The following TRHDE variants were observed in gnomAD, a reference collection of about 807,000 sequenced individuals.
The protein encoded by TRHDE is thyrotropin releasing hormone degrading enzyme.
Under a neutral mutation model 125.7 loss-of-function variants are expected in TRHDE, and 72 were observed. That is an observed-to-expected ratio of 0.57 (90% confidence interval 0.47 to 0.70). TRHDE has a LOEUF of 0.70. Among genes scored for constraint, TRHDE ranks in the 30% least tolerant of loss-of-function variants. The pLI is 0.00. For missense variants in TRHDE, 1,110 were observed against 1,327.1 expected, an observed-to-expected ratio of 0.84 and a Z score of 2.54; for synonymous variants, 509 against 509.1, an observed-to-expected ratio of 1.00 and a Z score of 0.00.
Position 72,109,806 on chromosome 12 carries a change from G to A in TRHDE, n.279+4054G>A, listed in dbSNP as rs532693057. ...GAATGGGATTGGCATGACTGGTTTA[G>A]ATAAATTGTTACTCATTGCCTGTGG... On this transcript the variant is annotated intron_variant and non_coding_transcript_variant, in intron 2 of 4. Coordinates refer to the TRHDE transcript ENST00000548156. 5.3e-5 allele frequency among the ~76,000 whole-genome samples: 8 copies of A among 152,190 alleles called. No individual in the cohort carries two copies. The South Asian group carries it at 1.7e-3, about 32-fold the overall frequency.
At chr12:72,573,841 CT>C (rs1870862057) in intron 10 of TRHDE, among the ~76,000 whole-genome samples, 1 of 151,946 alleles carries the variant, frequency 6.6e-6, no homozygotes, top group Non-Finnish European at 1.5e-5. Flanking sequence ...AGATGAACCA[CT>C]TCCTTTCTTG....
intron 2 of TRHDE, among the ~76,000 whole-genome samples, chr12:72,247,558 A>C (rs1199026508): frequency 6.6e-6 from 1 of 152,208 alleles, no homozygotes; most frequent in Admixed American, 6.5e-5. Context: ...TTATTTTATA[A>C]AAATTCCCTA....
In TRHDE at chr12:72,575,189, G is replaced by T. The variant is rs557466775; in HGVS notation, c.2132-66G>T. Reference sequence around the variant, plus strand: ...TTGGTATTGTTATATCTGGCGTTAAGAAAACATACTTCATTTCATTTTAAC... The same window carrying T: ...TTGGTATTGTTATATCTGGCGTTAATAAAACATACTTCATTTCATTTTAAC... On this transcript the variant is annotated intron_variant, in intron 10 of 18. Coordinates refer to ENST00000261180, the MANE Select transcript of TRHDE (RefSeq NM_013381.3). 90 of 1,525,646 alleles carry T rather than the reference G, an allele frequency of 5.9e-5. No homozygotes were observed. In the African/African-American group the frequency reaches 1.2e-3, roughly 20 times the overall value. The allele number at this position is 1,525,646 out of a possible 1,614,324, so 94.5% of individuals were successfully genotyped here.
intron 2 of TRHDE, among the ~76,000 whole-genome samples, chr12:72,195,175 C>A (rs1297049913): frequency 6.6e-6 from 1 of 152,084 alleles, no homozygotes; most frequent in Non-Finnish European, 1.5e-5. Flanking sequence ...TAACCACTCC[C>A]ACGATTCAAT....
At chr12:72,375,615 A>G (rs879609409) in intron 2 of TRHDE, among the ~76,000 whole-genome samples, 1 of 152,174 alleles carries the variant, frequency 6.6e-6, no homozygotes. Context: ...TCTACTAGAT[A>G]CTTTATGTAG....
In TRHDE at chr12:72,641,715, A is replaced by C. The variant is rs1874069575; in HGVS notation, c.2676-10607A>C. On this transcript the variant is annotated intron_variant, in intron 15 of 18. Transcript: ENST00000261180. The stretch of plus-strand genomic sequence containing the variant: ...CAAAGCAATGAAAACATTCACAGCA[A>C]AATCTTTGGAGACTGTCTTATTTAT... 2.0e-5 allele frequency among the ~76,000 whole-genome samples: 3 copies of C among 152,218 alleles called. No individual in the cohort carries two copies. The South Asian group carries it at 6.2e-4, about 31-fold the overall frequency.
chr12:72,189,828 A>G (rs374638409), intron 2 of TRHDE, among the ~76,000 whole-genome samples: 4 of 152,138 alleles, frequency 2.6e-5, no homozygotes, highest in East Asian at 1.9e-4. Context: ...GCAGCTGGTC[A>G]AAGCTTCAGT....
intron 12 of TRHDE, among the ~76,000 whole-genome samples, chr12:72,614,784 C>T (rs1319938989): frequency 4.6e-5 from 7 of 152,044 alleles, no homozygotes; most frequent in African/African-American, 7.2e-5. Flanking sequence ...ATACACGCTA[C>T]CCATCTCAGT....
At chr12:72,506,264 T>C (rs1447878491) in intron 6 of TRHDE, among the ~76,000 whole-genome samples, 1 of 152,126 alleles carries the variant, frequency 6.6e-6, no homozygotes. Context: ...TGAGCTATAA[T>C]AGATCTCCTG....
intron 3 of TRHDE, among the ~76,000 whole-genome samples, chr12:72,446,717 G>C (rs533557378): frequency 6.6e-6 from 1 of 152,170 alleles, no homozygotes; most frequent in South Asian, 2.1e-4. Context: ...TGCAATCCTA[G>C]TCTCTGATAA....
At chr12:72,252,004 C>T (rs551389950) in intron 2 of TRHDE, among the ~76,000 whole-genome samples, 1 of 152,134 alleles carries the variant, frequency 6.6e-6, no homozygotes, top group South Asian at 2.1e-4. Flanking sequence ...GTTTTTACAA[C>T]TGAGTATTGA....
intron 2 of TRHDE, among the ~76,000 whole-genome samples, chr12:72,305,588 G>T (rs115483284): frequency 0.017 from 2,587 of 152,262 alleles, 71 homozygotes; most frequent in African/African-American, 0.059. Flanking sequence ...CTATGAGAGC[G>T]GTTGTATTAG....
At chr12:72,415,908 G>T (rs1256477923) in intron 3 of TRHDE, among the ~76,000 whole-genome samples, 1 of 152,010 alleles carries the variant, frequency 6.6e-6, no homozygotes, top group Non-Finnish European at 1.5e-5. Context: ...CCAACAGTGG[G>T]ATTGCTAGAT....
chr12:72,158,347 A>C (rs1458188271), intron 2 of TRHDE, among the ~76,000 whole-genome samples: 1 of 151,438 alleles, frequency 6.6e-6, no homozygotes, highest in Non-Finnish European at 1.5e-5. Context: ...TATATATATA[A>C]TATATATGTT....
At chr12:72,389,367 G>C (rs1057060398) in intron 3 of TRHDE, among the ~76,000 whole-genome samples, 7 of 152,216 alleles carry the variant, frequency 4.6e-5, no homozygotes, top group African/African-American at 1.7e-4. Context: ...AACTGTGCCA[G>C]ATGGTGAAGG....
At position 72,334,521 on chromosome 12, in the gene TRHDE, A is replaced by C. The variant is rs189690473; in HGVS notation, c.1189-43474A>C. 7.2e-5 allele frequency among the ~76,000 whole-genome samples: 11 copies of C among 152,324 alleles called. No individual in the cohort carries two copies. The East Asian group carries it at 2.1e-3, about 29-fold the overall frequency. ...GTGTTTATAGTGTACTTTTTACAGG[A>C]AATTTCTTTTACCTGGCAGACGGCC... On this transcript the variant is annotated intron_variant, in intron 2 of 18. Transcript: ENST00000261180.
intron 15 of TRHDE, among the ~76,000 whole-genome samples, chr12:72,631,255 G>A (rs1002377419): frequency 1.3e-5 from 2 of 151,552 alleles, no homozygotes; most frequent in African/African-American, 4.8e-5. Flanking sequence ...AATAAACCAT[G>A]TCAACTCTTT....
intron 2 of TRHDE, among the ~76,000 whole-genome samples, chr12:72,359,191 A>G (rs1870956478): frequency 6.6e-6 from 1 of 151,386 alleles, no homozygotes; most frequent in Non-Finnish European, 1.5e-5. Flanking sequence ...AAAAAAAAAC[A>G]TATCTGAAGA....
chr12:72,518,260 T>C (rs1878984852), intron 6 of TRHDE, among the ~76,000 whole-genome samples: 1 of 145,298 alleles, frequency 6.9e-6, no homozygotes, highest in African/African-American at 2.7e-5. Context: ...AAGTCTCCCA[T>C]TATTAATGTG....
Sources: gnomAD v4.1 joint callset for allele counts (sites outside exome capture counted in the v4.1 genomes callset) on GRCh38, gnomAD v4.1.1 for gene constraint, MANE v1.5 for transcripts, NCBI Gene and HGNC (gene_info 2026-07-23, HGNC 2026-07-21) for gene names.